The following AGAP2 variants were observed in gnomAD, a reference collection of about 807,000 sequenced individuals.
AGAP2 encodes ArfGAP with GTPase domain, ankyrin repeat and PH domain 2.
Under a neutral mutation model 110.9 loss-of-function variants are expected in AGAP2, and 32 were observed. The ratio of observed to expected loss-of-function variants is 0.29; its 90% CI spans 0.22 to 0.39. The LOEUF (loss-of-function observed/expected upper bound fraction) is 0.39, where lower values mean the gene tolerates loss of function less well. Among genes scored for constraint, AGAP2 ranks in the 10% least tolerant of loss-of-function variants. AGAP2 has a pLI of 1.00. For missense variants in AGAP2, 1,285 were observed against 1,638.5 expected (o/e 0.78, Z 3.72); for synonymous variants, 702 against 713.0 (o/e 0.98, Z 0.25).
chr12:57,728,218 G>A, intron 14 of AGAP2, 100 bp downstream of exon 14: 1 of 1,515,156 alleles, frequency 6.6e-7, no homozygotes, highest in South Asian at 1.2e-5. Context: ...AGCAGAGGGT[G>A]GGGGGCAGCA....
chr12:57,740,166 G>A (rs960509566), upstream of AGAP2, among the ~76,000 whole-genome samples: 3 of 152,172 alleles, frequency 2.0e-5, no homozygotes, highest in Admixed American at 6.5e-5. Flanking sequence ...TGCCGTGGGC[G>A]GCTCTTGGAG....
Position 57,738,044 on chromosome 12 carries a change from C to A in AGAP2, c.203G>T (p.Arg68Leu). ...CAGCGCATCCTGCCGGTGGAAGAGA[C>A]GTTCGTGCCGCTTCTTGCCCGGCTC... ...AEEPGKKRHERLFHRQDALWI... is the reference protein window; with the variant it reads ...AEEPGKKRHELLFHRQDALWI... Residue 68 changes from arginine to leucine, a missense_variant, in exon 1 of 19, where the codon CGT (arginine) becomes CTT (leucine). Transcript: ENST00000547588. This position sits in a 1 kb window ranked among gnomAD's most constrained non-coding sequence, Gnocchi z 6.7. 6.6e-7 allele frequency: 1 copy of A among 1,521,678 alleles called. No individual in the cohort carries two copies. The highest frequency in any genetic ancestry group is 8.8e-7 in the Non-Finnish European group (1 of 1,140,332). 94.3% of individuals were successfully genotyped at this position (1,521,678 alleles called of 1,614,324 possible). A position where few individuals can be genotyped will look rare whatever the true frequency, so the allele number is the denominator to read the frequency against.
Position 57,738,381 on chromosome 12 carries a change from T to A in AGAP2, c.-135A>T, listed in dbSNP as rs1955032210. On this transcript the variant is annotated 5_prime_UTR_variant, in exon 1 of 19. Coordinates refer to ENST00000547588, the MANE Select transcript of AGAP2 (RefSeq NM_001122772.3). This position sits in a 1 kb window ranked among gnomAD's most constrained non-coding sequence, Gnocchi z 6.7. Reference sequence around the variant, plus strand: ...CTGAGCCCCCGGCCCGGCTCCGCTGTCGCCGCCGCCTCCGCCGCCTCCGCT... The same window carrying A: ...CTGAGCCCCCGGCCCGGCTCCGCTGACGCCGCCGCCTCCGCCGCCTCCGCT... 1 of 1,150,214 alleles carries A rather than the reference T, an allele frequency of 8.7e-7. No individual in the cohort carries two copies. Among genetic ancestry groups the A allele is most frequent in the South Asian group, 3.4e-5 (1 of 29,428 alleles). The allele number at this position is 1,150,214 out of a possible 1,614,324, so 71.3% of individuals were successfully genotyped here. A position where few individuals can be genotyped will look rare whatever the true frequency, so the allele number is the denominator to read the frequency against.
chr12:57,737,777 C>G lies in AGAP2; in HGVS notation c.470G>C (p.Gly157Ala). 6.5e-7 allele frequency: 1 copy of G among 1,531,460 alleles called. No individual in the cohort carries two copies. The highest frequency in any genetic ancestry group is 1.2e-5 in the South Asian group (1 of 83,752). 94.9% of individuals were successfully genotyped at this position (1,531,460 alleles called of 1,614,324 possible). Reference protein sequence around the residue: ...SPSWGGPEPEGRAGGGIPGSS... With the variant: ...SPSWGGPEPEARAGGGIPGSS... ...GCCAGGGATGCCGCCGCCCGCCCGGCCTTCGGGCTCCGGGCCGCCCCAGCT... is the reference window on the plus strand; with the variant it reads ...GCCAGGGATGCCGCCGCCCGCCCGGGCTTCGGGCTCCGGGCCGCCCCAGCT... Residue 157 changes from glycine to alanine, a missense_variant, in exon 1 of 19, where the codon GGC becomes GCC. Physicochemically the swap from Gly to Ala is moderately conservative, Grantham distance 60 (BLOSUM62 0). Around this residue, in one of 7 missense-constraint regions of AGAP2, gnomAD observed 844 missense variants for 941.2 expected, o/e 0.90. Transcript: ENST00000547588. The surrounding 1 kb of genome is among the most constrained non-coding windows in gnomAD (Gnocchi z 5.9).
At position 57,729,593 on chromosome 12, in the gene AGAP2, G is replaced by C. The variant is rs41292013; in HGVS notation, c.2557+46C>G. 6.8e-3 allele frequency: 10,754 copies of C among 1,588,176 alleles called. 54 individuals carry two copies. Among genetic ancestry groups the C allele is most frequent in the Middle Eastern group, 0.016 (70 of 4,406 alleles). ...AGTTAGGCCAGGGAGCTGATGTTGG[G>C]GATGAGGGTTCTGGGTGGGAGTGGA... is the stretch of plus-strand genomic sequence containing the variant. On this transcript the variant is annotated intron_variant, in intron 13 of 18. Transcript: ENST00000547588.
rs1335167913 is a variant in AGAP2 at position 57,726,844 on chromosome 12, C to A, written c.3337-50G>T. ...ACCGCGCGTCCCCAGGGCGCCCACA[C>A]CCGGCGCCGCCTCCCCCACATGGCC... On this transcript the variant is annotated intron_variant, in intron 18 of 18. Coordinates refer to ENST00000547588, the MANE Select transcript of AGAP2 (RefSeq NM_001122772.3). This position sits in a 1 kb window ranked among gnomAD's most constrained non-coding sequence, Gnocchi z 5.7. 1 of 1,434,534 alleles carries A rather than the reference C, an allele frequency of 7.0e-7. No individual in the cohort carries two copies. Among genetic ancestry groups the A allele is most frequent in the Middle Eastern group, 2.6e-4 (1 of 3,908 alleles). The allele number at this position is 1,434,534 out of a possible 1,614,324, so 88.9% of individuals were successfully genotyped here.
Position 57,730,707 on chromosome 12 carries a change from A to C in AGAP2, c.2308+84T>G, listed in dbSNP as rs529462307. The C allele has an allele frequency of 2.9e-5, 46 of 1,607,360 alleles. 1 individual carries two copies. The South Asian group carries it at 4.9e-4, about 17-fold the overall frequency. ...TTATCACCCAGCTTCCTACTCGCCCAGTGCCAGCCCCCTCTTCCCTCTTAC... is the reference window on the plus strand; with the variant it reads ...TTATCACCCAGCTTCCTACTCGCCCCGTGCCAGCCCCCTCTTCCCTCTTAC... On this transcript the variant is annotated intron_variant, in intron 11 of 18. Coordinates refer to ENST00000547588, the MANE Select transcript of AGAP2 (RefSeq NM_001122772.3).
chr12:57,727,320 C>T (rs750762841), intron 17 of AGAP2, 40 bp downstream of exon 17: 1 of 1,604,826 alleles, frequency 6.2e-7, no homozygotes, highest in South Asian at 1.1e-5. Flanking sequence ...GTTCGCACAC[C>T]CTCAGCAACC....
At position 57,728,092 on chromosome 12, in the gene AGAP2, G is replaced by A. The variant is rs1420160331; in HGVS notation, c.2618-7C>T. On this transcript the variant is annotated splice_polypyrimidine_tract_variant and splice_region_variant and intron_variant, in intron 14 of 18. Coordinates refer to ENST00000547588, the MANE Select transcript of AGAP2 (RefSeq NM_001122772.3). ...AGGAACTCAAAGTTTTCCTCTGAGT[G>A]GGGGATGGGATGGGGTCATTAAGGG... 1.3e-6 allele frequency: 2 copies of A among 1,586,572 alleles called. No individual in the cohort carries two copies. The highest frequency in any genetic ancestry group is 2.2e-5 in the East Asian group (1 of 44,782).
chr12:57,728,431 A>G, intron 13 of AGAP2, 54 bp from the exon 14 acceptor site: 1 of 1,571,036 alleles, frequency 6.4e-7, no homozygotes, highest in South Asian at 1.1e-5. Context: ...GAACAGAGAA[A>G]GAGAGACCAA....
At chr12:57,734,823 A>C in intron 2 of AGAP2, 144 bp from the exon 3 acceptor site, 3 of 715,904 alleles carry the variant, frequency 4.2e-6, no homozygotes, top group Middle Eastern at 3.9e-4. Context: ...CAGAGAGAGC[A>C]GTTGGGAGGA....
Position 57,732,991 on chromosome 12 carries a change from G to A in AGAP2, c.1550-12C>T. ...AGCACTGATCCTGTCTGAGGGGACAGGAAAGGGGCAGGATTGAACAAGGAG... is the reference window on the plus strand; with the variant it reads ...AGCACTGATCCTGTCTGAGGGGACAAGAAAGGGGCAGGATTGAACAAGGAG... On this transcript the variant is annotated splice_polypyrimidine_tract_variant and intron_variant, in intron 5 of 18. Coordinates refer to ENST00000547588, the MANE Select transcript of AGAP2 (RefSeq NM_001122772.3). The A allele has an allele frequency of 6.2e-7, 1 of 1,613,862 alleles. No homozygotes were observed. Among genetic ancestry groups the A allele is most frequent in the Non-Finnish European group, 8.5e-7 (1 of 1,180,024 alleles).
At position 57,727,124 on chromosome 12, in the gene AGAP2, C is replaced by T. The variant is rs746349654; in HGVS notation, c.3186G>A (p.Val1062=). Residue 1062 remains valine, a synonymous_variant, in exon 18 of 19, where the codon GTG becomes GTA. Coordinates refer to ENST00000547588, the MANE Select transcript of AGAP2 (RefSeq NM_001122772.3). ...GAACGGTAGCCACGTCCTGGGCCTG[C>T]ACGGCGGCCCACAGCTGGCGGCCCA... The part of the protein sequence containing the change: ...EPLGRQLWAA[V]QAQDVATVLL... 14 of 1,598,558 alleles carry T rather than the reference C, an allele frequency of 8.8e-6. No homozygotes were observed. Among genetic ancestry groups the T allele is most frequent in the Non-Finnish European group, 1.2e-5 (14 of 1,173,894 alleles).
At chr12:57,733,185 CTGTGTG>C (rs35371569) in intron 5 of AGAP2, among the ~76,000 whole-genome samples, 12 of 146,570 alleles carry the variant, frequency 8.2e-5, no homozygotes, top group African/African-American at 3.0e-4. Flanking sequence ...GCTGGGTGAG[CTGTGTG>C]TGTGTGTGTG....
In AGAP2 at chr12:57,726,213, C is replaced by T. The variant is rs1201688107; in HGVS notation, c.*339G>A. 1 of 170,934 alleles carries T rather than the reference C, an allele frequency of 5.9e-6. No homozygotes were observed. 10.6% of individuals were successfully genotyped at this position (170,934 alleles called of 1,614,324 possible). ...GGCAGGACCGGGTCTTCTTTCCGCC[C>T]CTAGGGGGCACAAGCGGGCATGTCC... On this transcript the variant is annotated 3_prime_UTR_variant, in exon 19 of 19. Coordinates refer to ENST00000547588, the MANE Select transcript of AGAP2 (RefSeq NM_001122772.3). The surrounding 1 kb of genome is among the most constrained non-coding windows in gnomAD (Gnocchi z 5.7).
At position 57,727,731 on chromosome 12, in the gene AGAP2, G is replaced by A; in HGVS notation, c.2807C>T (p.Ala936Val). The change falls in exon 16 of 19, where the codon GCG becomes GTG. Residue 936 changes from alanine (A) to valine (V), a missense_variant. Ala to Val is a moderately conservative substitution (Grantham distance 64). Coordinates refer to ENST00000547588, the MANE Select transcript of AGAP2 (RefSeq NM_001122772.3). ...TGAATTCCCCTTGGCGTTCCGGATC[G>A]CCTGGATGGCCACGGCCTCGCTTTG... Reference protein sequence around the residue: ...DSQSEAVAIQAIRNAKGNSIC... With the variant: ...DSQSEAVAIQVIRNAKGNSIC... The A allele has an allele frequency of 6.3e-7, 1 of 1,595,868 alleles. No individual in the cohort carries two copies. The highest frequency in any genetic ancestry group is 8.5e-7 in the Non-Finnish European group (1 of 1,170,170).
intron 14 of AGAP2, 45 bp downstream of exon 14, chr12:57,728,273 T>G (rs1954813281): frequency 6.2e-7 from 1 of 1,604,088 alleles, no homozygotes; most frequent in Non-Finnish European, 8.5e-7. Context: ...ACCCCCACCC[T>G]TCTGCACCCC....
In AGAP2 at chr12:57,737,080, AG is replaced by A; in HGVS notation, c.1166del (p.Pro389LeufsTer4). 6.5e-7 allele frequency: 1 copy of A among 1,527,712 alleles called. No homozygotes were observed. The highest frequency in any genetic ancestry group is 8.8e-7 in the Non-Finnish European group (1 of 1,137,914). 94.6% of individuals were successfully genotyped at this position (1,527,712 alleles called of 1,614,324 possible). ...TTCTCAAGCCCTGACTCAACTCACTAGGGGAAGCGCGGAGCTCGGCGCCCAG... is the reference window on the plus strand; with the variant it reads ...TTCTCAAGCCCTGACTCAACTCACTAGGGAAGCGCGGAGCTCGGCGCCCAG... Reference protein sequence around the residue: ...ELLGAELRASPKAVINSQEWT... With the variant: ...ELLGAELRASXKAVINSQEWT... On this transcript the variant is annotated frameshift_variant and splice_region_variant, in exon 1 of 19. Transcript: ENST00000547588. LOFTEE classifies it high-confidence loss of function. The surrounding 1 kb of genome is among the most constrained non-coding windows in gnomAD (Gnocchi z 5.9).
chr12:57,737,816 A>T lies in AGAP2; in HGVS notation c.431T>A (p.Leu144Gln). Residue 144 changes from leucine to glutamine, a missense_variant, in exon 1 of 19, where the codon CTG becomes CAG. Coordinates refer to ENST00000547588, the MANE Select transcript of AGAP2 (RefSeq NM_001122772.3). This position sits in a 1 kb window ranked among gnomAD's most constrained non-coding sequence, Gnocchi z 5.9. ...GGAPTSSRRP[L>Q]LSSPSWGGPE... ...GCCGCCCCAGCTCGGGCTGCTGAGC[A>T]GGGGGCGCCGGGAGGAGGTGGGGGC... 6.6e-7 allele frequency: 1 copy of T among 1,505,490 alleles called. No individual in the cohort carries two copies. Among genetic ancestry groups the T allele is most frequent in the Non-Finnish European group, 8.8e-7 (1 of 1,136,378 alleles). 93.3% of individuals were successfully genotyped at this position (1,505,490 alleles called of 1,614,324 possible).
Sources: allele counts gnomAD v4.1 joint callset (sites outside exome capture counted in the v4.1 genomes callset), GRCh38; gene constraint gnomAD v4.1.1; regional missense constraint gnomAD v4.1.1; non-coding constraint Gnocchi (gnomAD v3.1); transcripts MANE v1.5; gene names NCBI Gene and HGNC (gene_info 2026-07-23, HGNC 2026-07-21).